The following PRR11 variants were observed in gnomAD, a reference collection of about 807,000 sequenced individuals.
The protein encoded by PRR11 is proline-rich protein 11.
A neutral mutation model predicts 45.6 loss-of-function variants in PRR11; 30 were observed. The observed-to-expected ratio is 0.66, with a 90% CI of 0.49 to 0.89. The LOEUF is 0.89. PRR11 is among the 40% of genes least tolerant of loss of function. The pLI is 0.00. For synonymous variants in PRR11, 128 were observed against 153.5 expected (o/e 0.83, Z 1.23); for missense variants, 373 against 424.8 (o/e 0.88, Z 1.07).
chr17:59,166,741 G>T (rs1039042020), intron 1 of PRR11, among the ~76,000 whole-genome samples: 1 of 152,030 alleles, frequency 6.6e-6, no homozygotes, highest in African/African-American at 2.4e-5. Flanking sequence ...GATAATTCTT[G>T]ATTATATCCC....
At chr17:59,170,498 G>A (rs1399573423) in intron 2 of PRR11, among the ~76,000 whole-genome samples, 1 of 151,864 alleles carries the variant, frequency 6.6e-6, no homozygotes, top group Non-Finnish European at 1.5e-5. Context: ...GATTTCCTGG[G>A]CTCAAGAGAT....
chr17:59,177,331 G>A (rs1339339592), intron 2 of PRR11: 1 of 539,684 alleles, frequency 1.9e-6, no homozygotes, highest in South Asian at 1.4e-5. Context: ...GTGGAATGGG[G>A]GTCTAGGGAG....
chr17:59,177,239 C>T, intron 2 of PRR11: 2 of 547,170 alleles, frequency 3.7e-6, no homozygotes, highest in Non-Finnish European at 7.4e-6. Context: ...TATGCTATGA[C>T]CATAGCCAGG....
At chr17:59,158,384 G>A (rs2046636093) in intron 1 of PRR11, among the ~76,000 whole-genome samples, 1 of 152,218 alleles carries the variant, frequency 6.6e-6, no homozygotes, top group Admixed American at 6.5e-5. Context: ...AATATGGGCT[G>A]TTTATTAGAT....
chr17:59,167,563 G>C (rs2046686005), intron 1 of PRR11, among the ~76,000 whole-genome samples: 2 of 152,176 alleles, frequency 1.3e-5, no homozygotes, highest in African/African-American at 4.8e-5. Context: ...TATTCCATAG[G>C]CAGAGCAGTG....
chr17:59,167,146 G>A (rs116432410), intron 1 of PRR11, among the ~76,000 whole-genome samples: 2,112 of 152,148 alleles, frequency 0.014, 64 homozygotes, highest in African/African-American at 0.048. Flanking sequence ...CTTGGATGAC[G>A]GAGCAAGACT....
At chr17:59,156,117 T>C (rs1321828884) in intron 1 of PRR11, among the ~76,000 whole-genome samples, 2 of 152,240 alleles carry the variant, frequency 1.3e-5, no homozygotes, top group Admixed American at 1.3e-4. Context: ...TCCGCATCTC[T>C]TGTTTGCTTG....
In PRR11 at chr17:59,202,566, A is replaced by C. The variant is rs186109462; in HGVS notation, c.*935A>C. On this transcript the variant is annotated 3_prime_UTR_variant, in exon 10 of 10. Coordinates refer to ENST00000262293, the MANE Select transcript of PRR11 (RefSeq NM_018304.4). ...CAACATAGCAAGACCCCATCTCTAA[A>C]AATTAAAAAAAAAATTTAAATTAGA... is the stretch of plus-strand genomic sequence containing the variant. 11 of 152,138 alleles carry C rather than the reference A, an allele frequency of 7.2e-5. No individual in the cohort carries two copies. The East Asian group carries it at 2.1e-3, about 29-fold the overall frequency. The allele number at this position is 152,138 out of a possible 1,614,324, so 9.4% of individuals were successfully genotyped here. A position where few individuals can be genotyped will look rare whatever the true frequency, so the allele number is the denominator to read the frequency against.
In PRR11 at chr17:59,177,264, A is replaced by G; in HGVS notation, c.128+7384A>G. On this transcript the variant is annotated intron_variant, in intron 2 of 9. Coordinates refer to ENST00000262293, the MANE Select transcript of PRR11 (RefSeq NM_018304.4). ...CCATAGCCAGGAGATACTGGTGGAG[A>G]GAAAGGAACACAGAAAGGGAGAGGT... 5.5e-6 allele frequency: 3 copies of G among 547,848 alleles called. No homozygotes were observed. In the African/African-American group the frequency reaches 5.7e-5, roughly 10 times the overall value. 33.9% of individuals were successfully genotyped at this position (547,848 alleles called of 1,614,324 possible).
intron 2 of PRR11, among the ~76,000 whole-genome samples, chr17:59,170,350 T>C (rs1288117951): frequency 6.6e-6 from 1 of 152,202 alleles, no homozygotes; most frequent in Non-Finnish European, 1.5e-5. Context: ...GGAATATATT[T>C]ATACTAAAAT....
chr17:59,182,237 A>G (rs1012668473), intron 2 of PRR11, among the ~76,000 whole-genome samples: 1 of 151,746 alleles, frequency 6.6e-6, no homozygotes, highest in African/African-American at 2.4e-5. Flanking sequence ...CATGTTGACC[A>G]GGCTGGTCTC....
At chr17:59,172,811 G>C (rs1482868258) in intron 2 of PRR11, among the ~76,000 whole-genome samples, 2 of 152,244 alleles carry the variant, frequency 1.3e-5, no homozygotes, top group South Asian at 2.1e-4. Context: ...TCCCTGCCAT[G>C]GTGGGCCCCT....
intron 2 of PRR11, among the ~76,000 whole-genome samples, chr17:59,172,722 G>T (rs891000446): frequency 6.6e-6 from 1 of 152,238 alleles, no homozygotes; most frequent in Non-Finnish European, 1.5e-5. Flanking sequence ...CACTGGCGCT[G>T]TGCTCGATTT....
intron 2 of PRR11, among the ~76,000 whole-genome samples, chr17:59,172,312 C>T (rs768004563): frequency 1.2e-4 from 18 of 152,218 alleles, no homozygotes; most frequent in Non-Finnish European, 2.5e-4. Flanking sequence ...GAACCAGAAA[C>T]ACCCCTGGTT....
intron 1 of PRR11, among the ~76,000 whole-genome samples, chr17:59,159,911 T>C (rs1057169397): frequency 2.6e-5 from 4 of 152,164 alleles, no homozygotes; most frequent in Admixed American, 6.5e-5. Flanking sequence ...ACATATCCCA[T>C]CATAACCCAT....
In PRR11 at chr17:59,189,453, C is replaced by A. The variant is rs187019941; in HGVS notation, c.402+3891C>A. Among the ~76,000 whole-genome samples, 829 of 152,190 alleles carry A rather than the reference C, an allele frequency of 5.4e-3. 2 individuals carry two copies. Among genetic ancestry groups the A allele is most frequent in the Middle Eastern group, 0.01 (3 of 294 alleles). Reference sequence around the variant, plus strand: ...GGTTCAAGCAGTTCTTCTGCCTCAACCTCCCAAGTAGCTGGGACTACAGGT... The same window carrying A: ...GGTTCAAGCAGTTCTTCTGCCTCAAACTCCCAAGTAGCTGGGACTACAGGT... On this transcript the variant is annotated intron_variant, in intron 4 of 9. Coordinates refer to ENST00000262293, the MANE Select transcript of PRR11 (RefSeq NM_018304.4).
chr17:59,198,836 CAAAAAAAGA>C (rs1035457695), intron 9 of PRR11, among the ~76,000 whole-genome samples: 1 of 150,740 alleles, frequency 6.6e-6, no homozygotes, highest in African/African-American at 2.4e-5. Context: ...GACCCTGTCT[CAAAAAAAGA>C]AAAAAAAGAA....
At chr17:59,196,220 G>T (rs2046865343) in intron 7 of PRR11, among the ~76,000 whole-genome samples, 1 of 151,848 alleles carries the variant, frequency 6.6e-6, no homozygotes, top group Non-Finnish European at 1.5e-5. Flanking sequence ...CAAAAAGATA[G>T]GAAGAGTTCA....
At chr17:59,181,826 A>G in intron 2 of PRR11, 2 of 1,499,928 alleles carry the variant, frequency 1.3e-6, no homozygotes, top group Non-Finnish European at 9.1e-7. Flanking sequence ...CCAACCCCAA[A>G]CCACTCTCCA....
Sources: gnomAD v4.1 joint callset for allele counts (sites outside exome capture counted in the v4.1 genomes callset) on GRCh38, gnomAD v4.1.1 for gene constraint, MANE v1.5 for transcripts, NCBI Gene and HGNC (gene_info 2026-07-23, HGNC 2026-07-21) for gene names.